The following PCDHA1 variants were observed in gnomAD, a reference collection of about 807,000 sequenced individuals.
The protein encoded by PCDHA1 is protocadherin alpha-1.
PCDHA1 carries 42 observed loss-of-function variants against 61.3 expected under a neutral mutation model. That is an observed-to-expected ratio of 0.69 (90% CI 0.54 to 0.89). The LOEUF is 0.89. PCDHA1 is among the 40% of genes least tolerant of loss of function. PCDHA1 has a pLI of 0.00. For synonymous variants in PCDHA1, 610 were observed against 553.8 expected (o/e 1.10, Z -1.43); for missense variants, 1,256 against 1,235.3 (o/e 1.02, Z -0.25).
At position 140,788,685 on chromosome 5, in the gene PCDHA1, G is replaced by A; in HGVS notation, c.2394+1G>A. 2 of 1,545,936 alleles carry A rather than the reference G, an allele frequency of 1.3e-6. No homozygotes were observed. Among genetic ancestry groups the A allele is most frequent in the Non-Finnish European group, 1.7e-6 (2 of 1,146,030 alleles). On this transcript the variant is annotated splice_donor_variant, in intron 1 of 3. Transcript: ENST00000504120. LOFTEE classifies it high-confidence loss of function. Reference sequence around the variant, plus strand: ...AGCAAATTTGGATCTTTCTGGTAATGTAAGTCCAACTTTCGAGTTTTGGCT... The same window carrying A: ...AGCAAATTTGGATCTTTCTGGTAATATAAGTCCAACTTTCGAGTTTTGGCT...
intron 1 of PCDHA1, among the ~76,000 whole-genome samples, chr5:140,894,027 A>G (rs1251239546): frequency 6.6e-6 from 1 of 152,206 alleles, no homozygotes; most frequent in Non-Finnish European, 1.5e-5. Context: ...AGTTCTGCAT[A>G]CTGGTAATGT....
rs528377796 is a variant in PCDHA1, at chr5:140,957,777, T to G, written c.2395-21172T>G. The stretch of plus-strand genomic sequence containing the variant: ...TTCATTATATATGTTAAGTAAAAAC[T>G]AAGTTCATCATATATGTTAAGTAAA... On this transcript the variant is annotated intron_variant, in intron 1 of 3. Coordinates refer to ENST00000504120, the MANE Select transcript of PCDHA1 (RefSeq NM_018900.4). 8.5e-5 allele frequency among the ~76,000 whole-genome samples: 13 copies of G among 152,182 alleles called. No individual in the cohort carries two copies. The South Asian group carries it at 1.7e-3, about 19-fold the overall frequency.
At chr5:140,829,328 C>T (rs782173510) in intron 1 of PCDHA1, 18 of 1,614,244 alleles carry the variant, frequency 1.1e-5, no homozygotes, top group African/African-American at 1.3e-5. Flanking sequence ...GGACAGTGCC[C>T]TGGACCGCGA....
At chr5:140,828,529 G>T in intron 1 of PCDHA1, 1 of 1,614,222 alleles carries the variant, frequency 6.2e-7, no homozygotes, top group Non-Finnish European at 8.5e-7. Context: ...ACGAATCTAG[G>T]CTGCCAGATT....
chr5:140,874,772 T>C (rs2055099588), intron 1 of PCDHA1, among the ~76,000 whole-genome samples: 1 of 152,270 alleles, frequency 6.6e-6, no homozygotes, highest in South Asian at 2.1e-4. Flanking sequence ...TCCATATTTA[T>C]GATGAATTCT....
intron 3 of PCDHA1, among the ~76,000 whole-genome samples, chr5:141,006,608 G>A (rs2098279719): frequency 6.6e-6 from 1 of 152,200 alleles, no homozygotes; most frequent in African/African-American, 2.4e-5. Flanking sequence ...GAAGCAGACT[G>A]AATAAGGAGA....
intron 1 of PCDHA1, chr5:140,829,477 G>A (rs2150168551): frequency 2.5e-6 from 4 of 1,613,692 alleles, no homozygotes; most frequent in Admixed American, 3.3e-5. Flanking sequence ...AGTACACAGT[G>A]TTCGTGAAGG....
At chr5:141,001,607 A>G (rs1554258244) in intron 3 of PCDHA1, among the ~76,000 whole-genome samples, 1 of 152,078 alleles carries the variant, frequency 6.6e-6, no homozygotes, top group African/African-American at 2.4e-5. Flanking sequence ...AGGTTTGCCC[A>G]ATTCATAAAG....
At chr5:140,882,652 C>T (rs781900873) in intron 1 of PCDHA1, 1 of 1,614,216 alleles carries the variant, frequency 6.2e-7, no homozygotes, top group Non-Finnish European at 8.5e-7. Flanking sequence ...ACATTAACGA[C>T]AACCCGCCCA....
chr5:140,808,537 C>A, intron 1 of PCDHA1: 1 of 1,614,170 alleles, frequency 6.2e-7, no homozygotes, highest in South Asian at 1.1e-5. Flanking sequence ...ATGTGAACGA[C>A]AACGCTCCGG....
Position 140,956,653 on chromosome 5 carries a change from G to A in PCDHA1, c.2395-22296G>A, listed in dbSNP as rs146062919. ...TGCCAGGTTTTGGTATCAGGATGAT[G>A]CTGGCCTTAAAGGAGTTAGGGAGGA... On this transcript the variant is annotated intron_variant, in intron 1 of 3. Transcript: ENST00000504120. 5.2e-4 allele frequency among the ~76,000 whole-genome samples: 79 copies of A among 152,240 alleles called. 1 individual carries two copies. The highest frequency in any genetic ancestry group is 1.9e-3 in the African/African-American group (79 of 41,558).
rs60032403 is a variant in PCDHA1 at position 140,941,214 on chromosome 5, C to CCTTT, written c.2395-37696_2395-37693dup. Among the ~76,000 whole-genome samples, 254 of 122,478 alleles carry CCTTT rather than the reference C, an allele frequency of 2.1e-3. 3 individuals carry two copies. The highest frequency in any genetic ancestry group is 3.1e-3 in the Non-Finnish European group (180 of 58,666). 80.4% of individuals were successfully genotyped at this position (122,478 alleles called of 152,430 possible). Reference sequence around the variant, plus strand: ...TTTTTTCTTTCTTCCTTTCTTTCTTCCTTTCTTTCTTTCTTTCTTTCTTTC... The same window carrying CCTTT: ...TTTTTTCTTTCTTCCTTTCTTTCTTCCTTTCTTTCTTTCTTTCTTTCTTTCTTTC... On this transcript the variant is annotated intron_variant, in intron 1 of 3. Coordinates refer to ENST00000504120, the MANE Select transcript of PCDHA1 (RefSeq NM_018900.4).
intron 1 of PCDHA1, chr5:140,876,450 G>T (rs2153340874): frequency 6.2e-7 from 1 of 1,614,012 alleles, no homozygotes; most frequent in Non-Finnish European, 8.5e-7. Context: ...TTGATAAAGG[G>T]ATTCCTTCCA....
intron 1 of PCDHA1, among the ~76,000 whole-genome samples, chr5:140,797,988 G>A (rs1368447304): frequency 6.6e-6 from 1 of 151,976 alleles, no homozygotes; most frequent in African/African-American, 2.4e-5. Flanking sequence ...TAGTAACTGG[G>A]ATTACAGGCG....
intron 1 of PCDHA1, among the ~76,000 whole-genome samples, chr5:140,959,259 C>T (rs781794121): frequency 4.6e-5 from 7 of 152,040 alleles, no homozygotes; most frequent in African/African-American, 7.2e-5. Flanking sequence ...TGACTGTAGT[C>T]CCAGCTACCC....
intron 1 of PCDHA1, chr5:140,816,269 C>T: frequency 6.6e-6 from 1 of 152,132 alleles, no homozygotes; most frequent in East Asian, 1.9e-4. Context: ...ACTCATTCTT[C>T]TACTTGATTA....
intron 1 of PCDHA1, among the ~76,000 whole-genome samples, chr5:140,916,773 A>G (rs1584011849): frequency 6.6e-6 from 1 of 151,502 alleles, no homozygotes; most frequent in South Asian, 2.1e-4. Context: ...TGGCACAAGC[A>G]CTCCCTTAGC....
intron 1 of PCDHA1, chr5:140,802,424 G>A: frequency 6.2e-7 from 1 of 1,614,218 alleles, no homozygotes; most frequent in South Asian, 1.1e-5. Flanking sequence ...CATTGGTGCT[G>A]GACAGCCCTC....
intron 1 of PCDHA1, chr5:140,805,547 G>A (rs1030163): frequency 0.54 from 531,127 of 979,832 alleles, 145,002 homozygotes; most frequent in African/African-American, 0.7. Flanking sequence ...TAACTTTATG[G>A]ATATAGGAGG....
Sources: gnomAD v4.1 joint callset for allele counts (sites outside exome capture counted in the v4.1 genomes callset) on GRCh38, gnomAD v4.1.1 for gene constraint, MANE v1.5 for transcripts, NCBI Gene and HGNC (gene_info 2026-07-23, HGNC 2026-07-21) for gene names.